The following IL1RAPL1 variants were observed in gnomAD, a reference collection of about 807,000 sequenced individuals.
The protein encoded by IL1RAPL1 is interleukin-1 receptor accessory protein-like 1.
In IL1RAPL1, 3 loss-of-function variants were observed where a neutral mutation model predicts 48.4. The ratio of observed to expected loss-of-function variants is 0.06; its 90% CI spans 0.03 to 0.16. The LOEUF is 0.16. IL1RAPL1 is among the 10% of genes least tolerant of loss of function. The probability of loss-of-function intolerance (pLI) is 1.00; values close to 1 mark genes in which losing one functional copy is unlikely to be tolerated. For synonymous variants in IL1RAPL1, 185 were observed against 187.7 expected (o/e 0.99, Z 0.12); for missense variants, 349 against 530.6 (o/e 0.66, Z 3.36).
intron 1 of IL1RAPL1, among the ~76,000 whole-genome samples, chrX:28,726,699 T>C (rs1260150200): frequency 8.9e-6 from 1 of 112,059 alleles, no homozygotes; most frequent in East Asian, 2.8e-4. Context: ...ATCATCCTCA[T>C]AGTGTTCCTA....
intron 3 of IL1RAPL1, among the ~76,000 whole-genome samples, chrX:29,334,909 G>C (rs1457972115): frequency 1.8e-5 from 2 of 112,885 alleles, no homozygotes; most frequent in Non-Finnish European, 3.8e-5. Flanking sequence ...CGGCACTTTG[G>C]GGGGCCAATG....
At chrX:29,276,585 A>C (rs1932122972) in intron 2 of IL1RAPL1, among the ~76,000 whole-genome samples, 1 of 112,476 alleles carries the variant, frequency 8.9e-6, no homozygotes, top group South Asian at 3.6e-4. Context: ...TTAGTTAATC[A>C]CTAATTTATT....
chrX:29,094,539 A>G (rs1294211657), intron 2 of IL1RAPL1, among the ~76,000 whole-genome samples: 6 of 102,771 alleles, frequency 5.8e-5, no homozygotes, highest in African/African-American at 2.1e-4. Context: ...GGGTGGATCA[A>G]CTGAGGTCAG....
At chrX:28,774,530 A>G (rs1246864020) in intron 1 of IL1RAPL1, among the ~76,000 whole-genome samples, 15 of 111,553 alleles carry the variant, frequency 1.3e-4, no homozygotes, top group African/African-American at 4.2e-4. Flanking sequence ...AGCCACCTGC[A>G]TTTTCTTACC....
At chrX:28,699,659 CCT>C (rs1935273680) in intron 1 of IL1RAPL1, among the ~76,000 whole-genome samples, 1 of 111,548 alleles carries the variant, frequency 9.0e-6, no homozygotes, top group African/African-American at 3.3e-5. Context: ...CTCTCTCTCT[CCT>C]CTGTTTGTTG....
At chrX:29,460,674 A>G (rs921487749) in intron 5 of IL1RAPL1, among the ~76,000 whole-genome samples, 1 of 112,342 alleles carries the variant, frequency 8.9e-6, no homozygotes, top group Non-Finnish European at 1.9e-5. Context: ...ATTTGAAATT[A>G]TATTCAAAAT....
intron 1 of IL1RAPL1, among the ~76,000 whole-genome samples, chrX:28,749,508 A>G (rs901056580): frequency 1.8e-5 from 2 of 111,509 alleles, no homozygotes; most frequent in Admixed American, 1.9e-4. Context: ...TTCTCTAATG[A>G]TTAGTGATGT....
At chrX:28,990,960 G>A (rs1020085490) in intron 2 of IL1RAPL1, among the ~76,000 whole-genome samples, 1 of 111,877 alleles carries the variant, frequency 8.9e-6, no homozygotes, top group Non-Finnish European at 1.9e-5. Context: ...TGGAAAAGTA[G>A]ATGACTAAAC....
chrX:28,959,752 C>G (rs1004509073), intron 2 of IL1RAPL1, among the ~76,000 whole-genome samples: 1 of 111,958 alleles, frequency 8.9e-6, no homozygotes, highest in Non-Finnish European at 1.9e-5. Context: ...ACATTATTCA[C>G]TTTTACTGTA....
chrX:29,123,005 T>TTTTATTTATTTATTTA (rs201703450), intron 2 of IL1RAPL1, among the ~76,000 whole-genome samples: 14 of 101,719 alleles, frequency 1.4e-4, no homozygotes, highest in South Asian at 4.9e-4. Context: ...GAATAGCACG[T>TTTTATTTATTTATTTA]TTTATTTATT....
chrX:28,850,432 C>T (rs1921628881), intron 2 of IL1RAPL1, among the ~76,000 whole-genome samples: 1 of 110,504 alleles, frequency 9.0e-6, no homozygotes, highest in Admixed American at 9.7e-5. Context: ...TAAAACGGGC[C>T]CATTGCTGAG....
chrX:28,700,106 A>G (rs975681334), intron 1 of IL1RAPL1, among the ~76,000 whole-genome samples: 1 of 111,510 alleles, frequency 9.0e-6, no homozygotes, highest in Non-Finnish European at 1.9e-5. Flanking sequence ...AACCATTTTG[A>G]AAAGTTAAAA....
intron 6 of IL1RAPL1, among the ~76,000 whole-genome samples, chrX:29,916,536 C>G (rs1932801817): frequency 9.0e-6 from 1 of 111,594 alleles, no homozygotes; most frequent in Non-Finnish European, 1.9e-5. Context: ...TGCCCCAATC[C>G]AGACTTACAA....
intron 2 of IL1RAPL1, among the ~76,000 whole-genome samples, chrX:29,267,079 G>T (rs2147587882): frequency 9.0e-6 from 1 of 111,503 alleles, no homozygotes; most frequent in Non-Finnish European, 1.9e-5. Flanking sequence ...ACCTACCCTA[G>T]GACCACAAAC....
intron 6 of IL1RAPL1, among the ~76,000 whole-genome samples, chrX:29,726,560 A>C (rs895517600): frequency 2.8e-4 from 31 of 112,628 alleles, no homozygotes; most frequent in African/African-American, 8.7e-4. Flanking sequence ...ACTGATGAAC[A>C]TGTAAATGCT....
chrX:29,850,502 C>T (rs1931340840), intron 6 of IL1RAPL1, among the ~76,000 whole-genome samples: 1 of 112,376 alleles, frequency 8.9e-6, no homozygotes. Context: ...AGAGCAAGAA[C>T]ATGTGATTCC....
chrX:29,244,050 A>T (rs1275462942), intron 2 of IL1RAPL1, among the ~76,000 whole-genome samples: 1 of 111,778 alleles, frequency 8.9e-6, no homozygotes, highest in Non-Finnish European at 1.9e-5. Flanking sequence ...TCTAGTGTTA[A>T]GGTGACTTAC....
chrX:28,897,104 A>T (rs1004189462), intron 2 of IL1RAPL1, among the ~76,000 whole-genome samples: 3 of 109,964 alleles, frequency 2.7e-5, no homozygotes, highest in Non-Finnish European at 5.7e-5. Context: ...AAGGTTGCCC[A>T]TAGTGAAGGA....
At chrX:29,526,130 G>A (rs1602278975) in intron 5 of IL1RAPL1, among the ~76,000 whole-genome samples, 2 of 112,043 alleles carry the variant, frequency 1.8e-5, no homozygotes, top group South Asian at 7.3e-4. Flanking sequence ...AATAGAATAT[G>A]TTATTGTATA....
Sources: gnomAD v4.1 joint callset for allele counts (sites outside exome capture counted in the v4.1 genomes callset) on GRCh38, gnomAD v4.1.1 for gene constraint, MANE v1.5 for transcripts, NCBI Gene and HGNC (gene_info 2026-07-23, HGNC 2026-07-21) for gene names.